CMIP: variants seen among roughly 807,000 people sequenced by gnomAD.
The protein encoded by CMIP is C-Maf-inducing protein.
CMIP carries 13 observed loss-of-function variants against 97.3 expected under a neutral mutation model. The ratio of observed to expected loss-of-function variants is 0.13; its 90% CI spans 0.09 to 0.21. The LOEUF is 0.21. Among genes scored for constraint, CMIP ranks in the 10% least tolerant of loss-of-function variants. CMIP has a pLI of 1.00. For missense variants in CMIP, 847 were observed against 1,024.9 expected (o/e 0.83, Z 2.37); for synonymous variants, 538 against 436.3 (o/e 1.23, Z -2.91).
chr16:81,446,652 C>T (rs567568360), intron 1 of CMIP, among the ~76,000 whole-genome samples: 2 of 152,246 alleles, frequency 1.3e-5, no homozygotes, highest in East Asian at 3.9e-4. Context: ...CCACTGCCTG[C>T]CCACACCTGT....
chr16:81,567,333 G>A lies in CMIP; in HGVS notation c.301-40234G>A, dbSNP rs139584941. Among the ~76,000 whole-genome samples the A allele has an allele frequency of 2.4e-3, 372 of 152,378 alleles. 1 individual carries two copies. Among genetic ancestry groups the A allele is most frequent in the African/African-American group, 8.5e-3 (354 of 41,592 alleles). The stretch of plus-strand genomic sequence containing the variant: ...CAGTGAGACACCGCTGCTACAGGGC[G>A]GAATCCACTTCTTTCCATTCTTGGA... On this transcript the variant is annotated intron_variant, in intron 1 of 20. Coordinates refer to ENST00000537098, the MANE Select transcript of CMIP (RefSeq NM_198390.3).
intron 4 of CMIP, among the ~76,000 whole-genome samples, chr16:81,653,068 T>C (rs1405322383): frequency 3.9e-5 from 6 of 152,140 alleles, no homozygotes; most frequent in Non-Finnish European, 7.3e-5. Flanking sequence ...GCTTCGGAAA[T>C]GTGCTTCTTT....
chr16:81,687,385 T>G (rs1191055013), intron 10 of CMIP, among the ~76,000 whole-genome samples: 2 of 152,192 alleles, frequency 1.3e-5, no homozygotes, highest in African/African-American at 2.4e-5. Flanking sequence ...GTCACGGTTT[T>G]AAGCTCTGGG....
At chr16:81,658,557 G>A (rs949984065) in intron 5 of CMIP, among the ~76,000 whole-genome samples, 3 of 152,252 alleles carry the variant, frequency 2.0e-5, no homozygotes, top group Non-Finnish European at 4.4e-5. Context: ...TGCTATCTGA[G>A]CTGGGTTTTG....
At chr16:81,685,600 A>G (rs1267776386) in intron 10 of CMIP, among the ~76,000 whole-genome samples, 2 of 151,928 alleles carry the variant, frequency 1.3e-5, no homozygotes, top group Non-Finnish European at 2.9e-5. Flanking sequence ...GCTGGAGTAT[A>G]GTGCCGCAGT....
In CMIP at chr16:81,652,481, C is replaced by A. The variant is rs1272552460; in HGVS notation, c.639+117C>A. 6.5e-6 allele frequency: 6 copies of A among 922,508 alleles called. No individual in the cohort carries two copies. The Admixed American group carries it at 1.3e-4, about 20-fold the overall frequency. 57.1% of individuals were successfully genotyped at this position (922,508 alleles called of 1,614,324 possible). ...CCGTGTGGGCTGTGTTGTTGCCCTG[C>A]TGCCGAAGGAGGTGAGCAGTTGCCC... On this transcript the variant is annotated intron_variant, in intron 4 of 20. Transcript: ENST00000537098. This position sits in a 1 kb window ranked among gnomAD's most constrained non-coding sequence, Gnocchi z 5.2.
chr16:81,542,393 G>C (rs2090465298), intron 1 of CMIP, among the ~76,000 whole-genome samples: 1 of 152,198 alleles, frequency 6.6e-6, no homozygotes, highest in South Asian at 2.1e-4. Flanking sequence ...GAGGCACCGA[G>C]GGTGGGAGAT....
intron 1 of CMIP, among the ~76,000 whole-genome samples, chr16:81,481,620 G>A (rs2089224612): frequency 6.6e-6 from 1 of 152,164 alleles, no homozygotes; most frequent in South Asian, 2.1e-4. Context: ...AGTTTCCTGT[G>A]GCTGCTATGA....
At chr16:81,500,108 C>G (rs999958094) in intron 1 of CMIP, among the ~76,000 whole-genome samples, 1 of 152,200 alleles carries the variant, frequency 6.6e-6, no homozygotes, top group Non-Finnish European at 1.5e-5. Flanking sequence ...CTCCCTCACT[C>G]TGTGTCCTGC....
chr16:81,678,491 G>T lies in CMIP; in HGVS notation c.1251G>T (p.Thr417=), dbSNP rs751963273. The change falls in exon 10 of 21, where the codon ACG becomes ACT. Residue 417 remains threonine (T), a synonymous_variant. Transcript: ENST00000537098. The part of the protein sequence containing the change: ...ERTSTAKPAL[T]ASAGNDSEPN... ...CCAGCACTGCCAAGCCGGCGCTGACGGCCAGCGCAGGCAACGACAGCGAGC... is the reference window on the plus strand; with the variant it reads ...CCAGCACTGCCAAGCCGGCGCTGACTGCCAGCGCAGGCAACGACAGCGAGC... 26 of 1,597,884 alleles carry T rather than the reference G, an allele frequency of 1.6e-5. No individual in the cohort carries two copies. Among genetic ancestry groups the T allele is most frequent in the Non-Finnish European group, 2.2e-5 (26 of 1,173,148 alleles).
At chr16:81,567,458 A>G (rs532455448) in intron 1 of CMIP, among the ~76,000 whole-genome samples, 7 of 152,344 alleles carry the variant, frequency 4.6e-5, no homozygotes, top group African/African-American at 1.4e-4. Flanking sequence ...GCCTCAGGAA[A>G]ACAGTGTGGC....
intron 1 of CMIP, among the ~76,000 whole-genome samples, chr16:81,502,962 G>C (rs1052115463): frequency 4.6e-5 from 7 of 152,146 alleles, no homozygotes; most frequent in Non-Finnish European, 1.0e-4. Context: ...CTGTCTCTCT[G>C]TCCTTAGATA....
At chr16:81,697,022 A>C in intron 14 of CMIP, 1 of 272,672 alleles carries the variant, frequency 3.7e-6, no homozygotes, top group East Asian at 8.9e-5. Flanking sequence ...ATGTTCCTAC[A>C]AGAAATTGAG....
intron 1 of CMIP, chr16:81,520,606 AT>A (rs1293646468): frequency 1.4e-4 from 14 of 103,456 alleles, no homozygotes; most frequent in African/African-American, 3.0e-4. Context: ...GAGAGAGAAG[AT>A]AGAAAGAAAG....
At chr16:81,579,406 C>A (rs1308544536) in intron 1 of CMIP, among the ~76,000 whole-genome samples, 1 of 152,186 alleles carries the variant, frequency 6.6e-6, no homozygotes, top group Non-Finnish European at 1.5e-5. Flanking sequence ...CCCAAAACAG[C>A]CCTCCAGACC....
rs2091986513 is a variant in CMIP at position 81,621,101 on chromosome 16, A to AT, written c.477+177dup. 1.6e-6 allele frequency: 1 copy of AT among 644,188 alleles called. No individual in the cohort carries two copies. Among genetic ancestry groups the AT allele is most frequent in the African/African-American group, 1.8e-5 (1 of 54,656 alleles). 39.9% of individuals were successfully genotyped at this position (644,188 alleles called of 1,614,324 possible). A position where few individuals can be genotyped will look rare whatever the true frequency, so the allele number is the denominator to read the frequency against. On this transcript the variant is annotated intron_variant, in intron 3 of 20. Coordinates refer to ENST00000537098, the MANE Select transcript of CMIP (RefSeq NM_198390.3). This position sits in a 1 kb window ranked among gnomAD's most constrained non-coding sequence, Gnocchi z 4.1. ...CTGGCCCTTCGTCCTCTGCTGTTCAATTCCTGTCCCCTGCAGTGCTGAAAT... is the reference window on the plus strand; with the variant it reads ...CTGGCCCTTCGTCCTCTGCTGTTCAATTTCCTGTCCCCTGCAGTGCTGAAAT...
intron 1 of CMIP, among the ~76,000 whole-genome samples, chr16:81,605,943 T>G (rs146756906): frequency 1.6e-3 from 241 of 152,332 alleles, no homozygotes; most frequent in African/African-American, 5.5e-3. Context: ...TTTTGTACTT[T>G]TTGAGCCTAG....
intron 1 of CMIP, chr16:81,476,509 G>A (rs1461678509): frequency 1.4e-6 from 1 of 692,572 alleles, no homozygotes; most frequent in East Asian, 3.1e-5. Flanking sequence ...GAACACAGTG[G>A]GGTTGACCAT....
At chr16:81,521,815 T>A (rs755416810) in intron 1 of CMIP, among the ~76,000 whole-genome samples, 4 of 152,126 alleles carry the variant, frequency 2.6e-5, no homozygotes, top group Non-Finnish European at 5.9e-5. Context: ...TTTTCTACAA[T>A]TGGGAGTTGG....
Sources: gnomAD v4.1 joint callset for allele counts (sites outside exome capture counted in the v4.1 genomes callset) on GRCh38, gnomAD v4.1.1 for gene constraint, Gnocchi (gnomAD v3.1) non-coding constraint, MANE v1.5 for transcripts, NCBI Gene and HGNC (gene_info 2026-07-23, HGNC 2026-07-21) for gene names.